The following ADGRV1 variants were observed in gnomAD, a reference collection of about 807,000 sequenced individuals.
ADGRV1 encodes the protein G-protein coupled receptor 98.
ADGRV1 carries 359 observed loss-of-function variants against 596.2 expected under a neutral mutation model. The ratio of observed to expected loss-of-function variants is 0.60; its 90% CI spans 0.55 to 0.66. The LOEUF (loss-of-function observed/expected upper bound fraction) is 0.66. ADGRV1 is among the 30% of genes least tolerant of loss of function. The pLI is 0.00. For synonymous variants in ADGRV1, 2,681 were observed against 2,679.2 expected, an observed-to-expected ratio of 1.00 and a Z score of -0.02; for missense variants, 7,274 against 7,575.6, an observed-to-expected ratio of 0.96 and a Z score of 1.48.
chr5:90,788,228 T>C lies in ADGRV1; in HGVS notation c.13811T>C (p.Val4604Ala), dbSNP rs772734258. The stretch of plus-strand genomic sequence containing the variant: ...ATCTATCCTCATGAAGAAATTGAAG[T>C]TGAAGAGACATTCATTATTAAACTT... The part of the protein sequence containing the change: ...LTIYPHEEIE[V>A]EETFIIKLHL... The change falls in exon 68 of 90, where the codon GTT becomes GCT. Residue 4604 changes from valine (V) to alanine (A), a missense_variant. Val to Ala is a moderately conservative substitution (Grantham distance 64). This residue lies in a region of ADGRV1 where 3,643 missense variants were observed against 3,809.2 expected (regional missense o/e 0.96). Coordinates refer to ENST00000405460, the MANE Select transcript of ADGRV1 (RefSeq NM_032119.4). 6.2e-7 allele frequency: 1 copy of C among 1,613,284 alleles called. No individual in the cohort carries two copies. Among genetic ancestry groups the C allele is most frequent in the African/African-American group, 1.3e-5 (1 of 74,904 alleles).
intron 86 of ADGRV1, among the ~76,000 whole-genome samples, chr5:91,075,013 C>G (rs1330224377): frequency 6.6e-6 from 1 of 152,066 alleles, no homozygotes; most frequent in African/African-American, 2.4e-5. Context: ...ATGTATTTTG[C>G]CCACTTTTTA....
chr5:90,710,110 T>C (rs1027513557), intron 39 of ADGRV1, among the ~76,000 whole-genome samples: 9 of 152,186 alleles, frequency 5.9e-5, no homozygotes, highest in African/African-American at 1.7e-4. Flanking sequence ...TATGCTTTCC[T>C]GGACAGTGTT....
chr5:90,628,446 G>A, intron 7 of ADGRV1, 116 bp from the exon 8 acceptor site: 2 of 816,904 alleles, frequency 2.4e-6, no homozygotes, highest in Non-Finnish European at 3.9e-6. Flanking sequence ...TTATTTTTTT[G>A]TTGTATAGAT....
chr5:90,659,235 G>T (rs1341745809), intron 21 of ADGRV1, among the ~76,000 whole-genome samples: 1 of 152,136 alleles, frequency 6.6e-6, no homozygotes, highest in Non-Finnish European at 1.5e-5. Flanking sequence ...AACTTGAAAA[G>T]AAAGATGTTT....
intron 87 of ADGRV1, among the ~76,000 whole-genome samples, chr5:91,134,644 T>C (rs1794486496): frequency 6.6e-6 from 1 of 152,238 alleles, no homozygotes; most frequent in East Asian, 1.9e-4. Flanking sequence ...TTTTATTAAT[T>C]GTACAAACAT....
At chr5:91,140,800 G>C (rs1424173937) in intron 87 of ADGRV1, among the ~76,000 whole-genome samples, 1 of 152,164 alleles carries the variant, frequency 6.6e-6, no homozygotes, top group Non-Finnish European at 1.5e-5. Context: ...GAAATAGTCT[G>C]GCTCCTGATA....
intron 1 of ADGRV1, among the ~76,000 whole-genome samples, chr5:90,605,710 ATTAG>A (rs951049935): frequency 1.2e-4 from 18 of 152,220 alleles, no homozygotes; most frequent in African/African-American, 9.6e-5. Flanking sequence ...TATTCAACCC[ATTAG>A]TTAGTGAGGA....
Position 90,627,689 on chromosome 5 carries a change from A to G in ADGRV1, c.1151A>G (p.Lys384Arg). 6.2e-7 allele frequency: 1 copy of G among 1,613,468 alleles called. No homozygotes were observed. Among genetic ancestry groups the G allele is most frequent in the Non-Finnish European group, 8.5e-7 (1 of 1,179,628 alleles). The change falls in exon 7 of 90, where the codon AAG becomes AGG. Residue 384 changes from lysine to arginine, a missense_variant. Physicochemically the swap from Lys to Arg is conservative, Grantham distance 26. Transcript: ENST00000405460. ...CCTTCTGTTGTACAAGTCACCATTA[A>G]GCCAAATGATAAACCTTATGGAGTC... is the stretch of plus-strand genomic sequence containing the variant. ...ISPSVVQVTI[K>R]PNDKPYGVLS...
chr5:90,614,762 C>A, intron 1 of ADGRV1, 73 bp from the exon 2 acceptor site: 2 of 1,083,814 alleles, frequency 1.8e-6, no homozygotes, highest in Non-Finnish European at 2.8e-6. Context: ...ATGTTTATAT[C>A]TATAGACAAT....
intron 83 of ADGRV1, among the ~76,000 whole-genome samples, chr5:90,954,798 A>G (rs974179650): frequency 2.0e-5 from 3 of 151,962 alleles, no homozygotes; most frequent in African/African-American, 7.2e-5. Context: ...TTTACTTAAT[A>G]GTAGTTTTGT....
intron 1 of ADGRV1, among the ~76,000 whole-genome samples, chr5:90,596,199 G>T (rs1251828292): frequency 1.3e-5 from 2 of 148,658 alleles, no homozygotes; most frequent in African/African-American, 5.0e-5. Context: ...ATGGGCGGCC[G>T]GGCAGAGACG....
intron 85 of ADGRV1, among the ~76,000 whole-genome samples, chr5:91,069,204 G>A (rs999431736): frequency 6.6e-6 from 1 of 152,054 alleles, no homozygotes; most frequent in South Asian, 2.1e-4. Flanking sequence ...GAAAACCTAG[G>A]AAATACCATT....
intron 86 of ADGRV1, among the ~76,000 whole-genome samples, chr5:91,078,896 T>G (rs2007538): frequency 6.6e-6 from 1 of 152,156 alleles, no homozygotes; most frequent in Non-Finnish European, 1.5e-5. Flanking sequence ...AGTCAGTAGC[T>G]GAAACATTCT....
intron 21 of ADGRV1, among the ~76,000 whole-genome samples, chr5:90,671,008 T>A (rs1025322684): frequency 5.3e-5 from 8 of 152,188 alleles, no homozygotes; most frequent in African/African-American, 1.7e-4. Context: ...GTGATAGGAC[T>A]GATTCACTGG....
At chr5:91,072,374 A>T in intron 85 of ADGRV1, 73 bp from the exon 86 acceptor site, 1 of 1,280,188 alleles carries the variant, frequency 7.8e-7, no homozygotes, top group Non-Finnish European at 1.1e-6. Flanking sequence ...TAAAGTAGTG[A>T]TGTGATACAT....
chr5:90,934,419 C>A (rs899760877), intron 83 of ADGRV1, among the ~76,000 whole-genome samples: 1 of 152,206 alleles, frequency 6.6e-6, no homozygotes, highest in Admixed American at 6.5e-5. Flanking sequence ...ACTTACCCTT[C>A]TAAGTCTAAT....
At chr5:90,678,050 C>T (rs1207806301) in intron 25 of ADGRV1, among the ~76,000 whole-genome samples, 1 of 152,154 alleles carries the variant, frequency 6.6e-6, no homozygotes, top group Non-Finnish European at 1.5e-5. Flanking sequence ...TTTATGACTT[C>T]TGGATAATGT....
rs557633936 is a variant in ADGRV1, at chr5:90,760,808, A to G, written c.12120+1220A>G. ...GAGAAAAAAAGGCTAATTAATCATGAAAACTAAGTATTTGTGCAGCCATAT... is the reference window on the plus strand; with the variant it reads ...GAGAAAAAAAGGCTAATTAATCATGGAAACTAAGTATTTGTGCAGCCATAT... On this transcript the variant is annotated intron_variant, in intron 58 of 89. Coordinates refer to ENST00000405460, the MANE Select transcript of ADGRV1 (RefSeq NM_032119.4). Among the ~76,000 whole-genome samples the G allele has an allele frequency of 4.8e-4, 73 of 152,348 alleles. 1 individual carries two copies. In the South Asian group the frequency reaches 0.015, roughly 31 times the overall value.
chr5:91,016,813 A>G (rs564825266), intron 85 of ADGRV1, among the ~76,000 whole-genome samples: 2 of 152,092 alleles, frequency 1.3e-5, no homozygotes, highest in East Asian at 3.9e-4. Context: ...TCTAGTAGAC[A>G]CTAGAGATAC....
Sources: gnomAD v4.1 joint callset for allele counts (sites outside exome capture counted in the v4.1 genomes callset) on GRCh38, gnomAD v4.1.1 for gene constraint, gnomAD v4.1.1 regional missense constraint, MANE v1.5 for transcripts, NCBI Gene and HGNC (gene_info 2026-07-23, HGNC 2026-07-21) for gene names.